The following SLC5A8 variants were observed in gnomAD, a reference collection of about 807,000 sequenced individuals.
SLC5A8 encodes sodium-coupled monocarboxylate transporter 1.
A neutral mutation model predicts 71.9 loss-of-function variants in SLC5A8; 55 were observed. That is an observed-to-expected ratio of 0.77 (90% CI 0.62 to 0.96). SLC5A8 has a LOEUF of 0.96. SLC5A8 is among the 40% of genes least tolerant of loss of function. The probability of loss-of-function intolerance (pLI) is 0.00; values close to 1 mark genes in which losing one functional copy is unlikely to be tolerated. For missense variants in SLC5A8, 701 were observed against 745.3 expected (o/e 0.94, Z 0.69); for synonymous variants, 307 against 276.1 (o/e 1.11, Z -1.11).
intron 12 of SLC5A8, among the ~76,000 whole-genome samples, chr12:101,165,598 C>T (rs973937660): frequency 1.3e-5 from 2 of 152,146 alleles, no homozygotes; most frequent in Admixed American, 6.5e-5. Flanking sequence ...CTGCCTGGAA[C>T]GCCCCTGGAA....
At position 101,156,452 on chromosome 12, in the gene SLC5A8, A is replaced by C. The variant is rs1361240889; in HGVS notation, c.*827T>G. 6.6e-6 allele frequency: 1 copy of C among 152,214 alleles called. No individual in the cohort carries two copies. Among genetic ancestry groups the C allele is most frequent in the African/African-American group, 2.4e-5 (1 of 41,454 alleles). The allele number at this position is 152,214 out of a possible 1,614,324, so 9.4% of individuals were successfully genotyped here. A position where few individuals can be genotyped will look rare whatever the true frequency, so the allele number is the denominator to read the frequency against. Reference sequence around the variant, plus strand: ...GCCAGGATTTGGGGTGGCATGATTCACATGAGTGTCTTGAGACATATCCAA... The same window carrying C: ...GCCAGGATTTGGGGTGGCATGATTCCCATGAGTGTCTTGAGACATATCCAA... On this transcript the variant is annotated 3_prime_UTR_variant, in exon 15 of 15. Transcript: ENST00000536262.
intron 2 of SLC5A8, among the ~76,000 whole-genome samples, chr12:101,203,513 A>T (rs1243248638): frequency 6.6e-6 from 1 of 152,004 alleles, no homozygotes. Flanking sequence ...ATGCCTGGCT[A>T]ATTTTTGTAT....
In SLC5A8 at chr12:101,157,403, T is replaced by C. The variant is rs2051675798; in HGVS notation, c.1711-2A>G. 6.3e-7 allele frequency: 1 copy of C among 1,586,100 alleles called. No individual in the cohort carries two copies. The highest frequency in any genetic ancestry group is 8.6e-7 in the Non-Finnish European group (1 of 1,165,100). On this transcript the variant is annotated splice_acceptor_variant, in intron 14 of 14. Coordinates refer to ENST00000536262, the MANE Select transcript of SLC5A8 (RefSeq NM_145913.5). LOFTEE classifies it high-confidence loss of function. ...TTTATAGCTCAAAACATGCTTCTTC[T>C]AAAAGAAAATGTTAACATGGTGATT...
At chr12:101,207,948 A>G (rs929150865) in intron 1 of SLC5A8, among the ~76,000 whole-genome samples, 12 of 152,304 alleles carry the variant, frequency 7.9e-5, no homozygotes, top group Middle Eastern at 3.4e-3. Flanking sequence ...AGACTTCAAT[A>G]TAGAAGTTTA....
intron 3 of SLC5A8, among the ~76,000 whole-genome samples, chr12:101,195,614 C>T (rs891687232): frequency 6.6e-6 from 1 of 150,554 alleles, no homozygotes; most frequent in East Asian, 1.9e-4. Flanking sequence ...GAAGACAACA[C>T]GAAAGGATTC....
At chr12:101,205,269 T>C (rs1343874185) in intron 1 of SLC5A8, among the ~76,000 whole-genome samples, 1 of 152,214 alleles carries the variant, frequency 6.6e-6, no homozygotes, top group Non-Finnish European at 1.5e-5. Flanking sequence ...CCTGTCCCTC[T>C]GTTCTATGAG....
chr12:101,187,749 A>G (rs1181187752), intron 6 of SLC5A8, among the ~76,000 whole-genome samples: 1 of 152,222 alleles, frequency 6.6e-6, no homozygotes, highest in Non-Finnish European at 1.5e-5. Context: ...CCCATGAAAG[A>G]GTGTATGCTC....
intron 10 of SLC5A8, among the ~76,000 whole-genome samples, chr12:101,173,791 C>T (rs983262833): frequency 2.0e-5 from 3 of 152,244 alleles, no homozygotes; most frequent in African/African-American, 7.2e-5. Flanking sequence ...AGGTAAGCTT[C>T]ACCTTTGCCT....
intron 3 of SLC5A8, among the ~76,000 whole-genome samples, chr12:101,195,855 C>T (rs1869152996): frequency 6.6e-6 from 1 of 151,878 alleles, no homozygotes; most frequent in South Asian, 2.1e-4. Flanking sequence ...CAGCACCATG[C>T]CCAGCTAATT....
In SLC5A8 at chr12:101,168,200, C is replaced by T. The variant is rs147770628; in HGVS notation, c.1234-18G>A. 395 of 1,581,786 alleles carry T rather than the reference C, an allele frequency of 2.5e-4. 2 individuals are homozygous for T. The African/African-American group carries it at 4.8e-3, about 19-fold the overall frequency. On this transcript the variant is annotated intron_variant, in intron 10 of 14. Transcript: ENST00000536262. ...AGTGCTGCCTACAAAAATAATACAA[C>T]GTCAGCAATTAGCAATCTCAAATCG...
chr12:101,172,724 T>C (rs1315242169), intron 10 of SLC5A8, among the ~76,000 whole-genome samples: 6 of 152,096 alleles, frequency 3.9e-5, no homozygotes, highest in African/African-American at 1.4e-4. Context: ...TAGGGTGAGT[T>C]CCCTAAGTTT....
chr12:101,186,458 G>A (rs538549115), intron 7 of SLC5A8, among the ~76,000 whole-genome samples: 2 of 152,276 alleles, frequency 1.3e-5, no homozygotes, highest in South Asian at 2.1e-4. Flanking sequence ...AACTTGTTCC[G>A]CAAGTGAGTC....
intron 4 of SLC5A8, among the ~76,000 whole-genome samples, chr12:101,194,345 T>G (rs184515237): frequency 6.6e-6 from 1 of 152,158 alleles, no homozygotes; most frequent in Admixed American, 6.5e-5. Context: ...AGACATAGAG[T>G]GTCAAGGATT....
chr12:101,161,206 A>G (rs1367889828), intron 13 of SLC5A8, among the ~76,000 whole-genome samples: 1 of 152,228 alleles, frequency 6.6e-6, no homozygotes, highest in Non-Finnish European at 1.5e-5. Context: ...TCAGACACAC[A>G]AAGTTTCCAA....
At chr12:101,186,840 T>C (rs1868664905) in intron 7 of SLC5A8, among the ~76,000 whole-genome samples, 1 of 152,170 alleles carries the variant, frequency 6.6e-6, no homozygotes, top group Admixed American at 6.5e-5. Context: ...TTATATAACC[T>C]CTCTGAGAAG....
At chr12:101,183,015 A>T (rs1868436798) in intron 8 of SLC5A8, 100 bp from the exon 9 acceptor site, 2 of 434,422 alleles carry the variant, frequency 4.6e-6, no homozygotes, top group South Asian at 9.2e-5. Flanking sequence ...CTTCTAAAAT[A>T]TAACCTGATT....
In SLC5A8 at chr12:101,156,259, T is replaced by A. The variant is rs1467556749; in HGVS notation, c.*1020A>T. 6.6e-6 allele frequency: 1 copy of A among 152,198 alleles called. No individual in the cohort carries two copies. Among genetic ancestry groups the A allele is most frequent in the East Asian group, 1.9e-4 (1 of 5,198 alleles). 9.4% of individuals were successfully genotyped at this position (152,198 alleles called of 1,614,324 possible). On this transcript the variant is annotated 3_prime_UTR_variant, in exon 15 of 15. Coordinates refer to ENST00000536262, the MANE Select transcript of SLC5A8 (RefSeq NM_145913.5). ...TAATTGATTGCAAATTAGTTGACAT[T>A]CAAAAGTTCAACTTAATAGCATTAA... is the stretch of plus-strand genomic sequence containing the variant.
At chr12:101,182,600 T>G (rs1343726812) in intron 9 of SLC5A8, among the ~76,000 whole-genome samples, 1 of 152,210 alleles carries the variant, frequency 6.6e-6, no homozygotes, top group Non-Finnish European at 1.5e-5. Context: ...TTGAAGTGTC[T>G]CCCAAATCTT....
In SLC5A8 at chr12:101,171,262, C is replaced by T. The variant is rs2051827145; in HGVS notation, c.1234-3080G>A. ...GCATCGTGCTGAGGTGACCTGGTCT[C>T]CTGGAAATCTGGTTGGAAATCCCCG... On this transcript the variant is annotated intron_variant, in intron 10 of 14. Transcript: ENST00000536262. Among the ~76,000 whole-genome samples, 3 of 152,186 alleles carry T rather than the reference C, an allele frequency of 2.0e-5. No individual in the cohort carries two copies. The South Asian group carries it at 6.2e-4, about 32-fold the overall frequency.
Sources: allele counts gnomAD v4.1 joint callset (sites outside exome capture counted in the v4.1 genomes callset), GRCh38; gene constraint gnomAD v4.1.1; transcripts MANE v1.5; gene names NCBI Gene and HGNC (gene_info 2026-07-23, HGNC 2026-07-21).